The following BNC2 variants were observed in gnomAD, a reference collection of about 807,000 sequenced individuals.
BNC2 encodes basonuclin zinc finger protein 2, also known as zinc finger protein basonuclin-2.
In BNC2, 20 loss-of-function variants were observed where a neutral mutation model predicts 76.3. That is an observed-to-expected ratio of 0.26 (90% CI 0.18 to 0.38). The LOEUF is 0.38. BNC2 is among the 10% of genes least tolerant of loss of function. The pLI is 1.00. For synonymous variants in BNC2, 582 were observed against 514.8 expected (o/e 1.13, Z -1.77); for missense variants, 1,382 against 1,399.8 (o/e 0.99, Z 0.20).
At chr9:16,690,363 A>C (rs979270472) in intron 3 of BNC2, among the ~76,000 whole-genome samples, 8 of 152,146 alleles carry the variant, frequency 5.3e-5, no homozygotes, top group Admixed American at 2.6e-4. Flanking sequence ...CTGTAATCCT[A>C]GGAGGATTAC....
intron 5 of BNC2, among the ~76,000 whole-genome samples, chr9:16,480,276 A>T (rs894924643): frequency 6.6e-6 from 1 of 152,230 alleles, no homozygotes; most frequent in African/African-American, 2.4e-5. Flanking sequence ...GCAAACAAAA[A>T]CAACCCTCTG....
chr9:16,631,520 A>C (rs1313909846), intron 3 of BNC2, among the ~76,000 whole-genome samples: 1 of 152,220 alleles, frequency 6.6e-6, no homozygotes, highest in South Asian at 2.1e-4. Context: ...CCATACTCCT[A>C]TAACAAGGGA....
chr9:16,520,920 T>C (rs1817597012), intron 5 of BNC2, among the ~76,000 whole-genome samples: 2 of 152,206 alleles, frequency 1.3e-5, no homozygotes, highest in Non-Finnish European at 2.9e-5. Context: ...AAGAATTTCC[T>C]CCAAGAATGA....
At chr9:16,810,239 T>C (rs1214524578) in intron 1 of BNC2, among the ~76,000 whole-genome samples, 1 of 152,208 alleles carries the variant, frequency 6.6e-6, no homozygotes, top group African/African-American at 2.4e-5. Context: ...AGGACAGGCT[T>C]AGTGTAGTCT....
chr9:16,522,881 G>A (rs760644391), intron 5 of BNC2, among the ~76,000 whole-genome samples: 1 of 152,100 alleles, frequency 6.6e-6, no homozygotes, highest in East Asian at 1.9e-4. Flanking sequence ...TTAACCCCCA[G>A]CTGTCCAGAA....
chr9:16,683,290 G>A (rs951398304), intron 3 of BNC2, among the ~76,000 whole-genome samples: 1 of 152,140 alleles, frequency 6.6e-6, no homozygotes, highest in African/African-American at 2.4e-5. Context: ...GCAGAAAGGG[G>A]CTCCACCAGT....
chr9:16,764,870 C>T (rs1825648106), intron 1 of BNC2, among the ~76,000 whole-genome samples: 1 of 148,656 alleles, frequency 6.7e-6, no homozygotes, highest in Non-Finnish European at 1.5e-5. Context: ...TCAAAATTAT[C>T]CCAAAAATAA....
chr9:16,508,571 T>C (rs142747401), intron 5 of BNC2, among the ~76,000 whole-genome samples: 138 of 152,340 alleles, frequency 9.1e-4, no homozygotes, highest in Non-Finnish European at 1.8e-3. Flanking sequence ...TCTTCACACC[T>C]GAATTTATTA....
At chr9:16,501,354 C>T in intron 5 of BNC2, among the ~76,000 whole-genome samples, 1 of 152,140 alleles carries the variant, frequency 6.6e-6, no homozygotes, top group East Asian at 1.9e-4. Context: ...AAAACCATTC[C>T]TCAACACACC....
intron 1 of BNC2, among the ~76,000 whole-genome samples, chr9:16,866,984 C>G (rs1460981330): frequency 6.6e-6 from 1 of 152,078 alleles, no homozygotes; most frequent in Non-Finnish European, 1.5e-5. Context: ...AAGCGTTGCT[C>G]CTTATATATT....
intron 3 of BNC2, among the ~76,000 whole-genome samples, chr9:16,608,776 C>A (rs575927865): frequency 6.6e-6 from 1 of 152,262 alleles, no homozygotes; most frequent in East Asian, 1.9e-4. Flanking sequence ...TCAGTGAGAT[C>A]TGAAAAATAG....
intron 1 of BNC2, among the ~76,000 whole-genome samples, chr9:16,780,892 T>C (rs528387722): frequency 1.4e-4 from 21 of 152,314 alleles, no homozygotes; most frequent in Non-Finnish European, 2.6e-4. Flanking sequence ...TTTCTTTTAA[T>C]TCTTAACTCT....
chr9:16,716,544 A>G (rs1824001902), intron 3 of BNC2, among the ~76,000 whole-genome samples: 1 of 152,190 alleles, frequency 6.6e-6, no homozygotes, highest in African/African-American at 2.4e-5. Context: ...ATTTCTACCT[A>G]TTAATGGATT....
At chr9:16,785,102 G>A (rs1826249792) in intron 1 of BNC2, among the ~76,000 whole-genome samples, 1 of 152,200 alleles carries the variant, frequency 6.6e-6, no homozygotes, top group Non-Finnish European at 1.5e-5. Context: ...GAATGTGTTT[G>A]CACTTTGTAG....
chr9:16,472,150 G>A (rs1185797564), intron 5 of BNC2, among the ~76,000 whole-genome samples: 14 of 152,180 alleles, frequency 9.2e-5, no homozygotes. Context: ...AGATCTGTAA[G>A]GATATATTCC....
At chr9:16,634,235 AT>A (rs940366931) in intron 3 of BNC2, among the ~76,000 whole-genome samples, 3 of 152,180 alleles carry the variant, frequency 2.0e-5, no homozygotes, top group Admixed American at 1.3e-4. Flanking sequence ...ATGTCAATGT[AT>A]TTTTTTCCTT....
At chr9:16,586,834 G>C (rs1049091073) in intron 3 of BNC2, among the ~76,000 whole-genome samples, 1 of 152,152 alleles carries the variant, frequency 6.6e-6, no homozygotes, top group East Asian at 1.9e-4. Flanking sequence ...GTTTAGAGGA[G>C]AGACCCTAAC....
chr9:16,468,184 G>T (rs1821736468), intron 5 of BNC2, among the ~76,000 whole-genome samples: 1 of 151,284 alleles, frequency 6.6e-6, no homozygotes, highest in South Asian at 2.1e-4. Context: ...AGGATTATAG[G>T]CATGAGCCAC....
intron 1 of BNC2, among the ~76,000 whole-genome samples, chr9:16,774,400 G>A (rs534797454): frequency 5.3e-5 from 8 of 152,280 alleles, no homozygotes; most frequent in Non-Finnish European, 8.8e-5. Context: ...TGACAGTTTC[G>A]ATTCCATTTA....
Sources: allele counts gnomAD v4.1 joint callset (sites outside exome capture counted in the v4.1 genomes callset), GRCh38; gene constraint gnomAD v4.1.1; transcripts MANE v1.5; gene names NCBI Gene and HGNC (gene_info 2026-07-23, HGNC 2026-07-21).